Variants in AGBL1 observed in about 807,000 individuals in gnomAD.
AGBL1 encodes cytosolic carboxypeptidase 4.
A neutral mutation model predicts 118.9 loss-of-function variants in AGBL1; 130 were observed. The ratio of observed to expected loss-of-function variants is 1.09; its 90% CI spans 0.95 to 1.26. The LOEUF is 1.26. Ranked by LOEUF, AGBL1 falls within the 50% of genes most tolerant of loss-of-function variation. The probability of loss-of-function intolerance (pLI) is 0.00; values close to 1 mark genes in which losing one functional copy is unlikely to be tolerated. For missense variants in AGBL1, 1,584 were observed against 1,298.1 expected (o/e 1.22, Z -3.38); for synonymous variants, 555 against 478.9 (o/e 1.16, Z -2.08).
At chr15:86,605,983 C>T (rs1354493328) in intron 21 of AGBL1, among the ~76,000 whole-genome samples, 1 of 151,784 alleles carries the variant, frequency 6.6e-6, no homozygotes, top group South Asian at 2.1e-4. Flanking sequence ...AAAAATTAGC[C>T]TGGCGTGGTG....
At chr15:86,186,355 C>A (rs2077633250) in intron 5 of AGBL1, among the ~76,000 whole-genome samples, 1 of 152,092 alleles carries the variant, frequency 6.6e-6, no homozygotes, top group Admixed American at 6.5e-5. Context: ...GCACATGTAT[C>A]CCGGAACTTA....
At chr15:86,798,764 A>G (rs2078608708) in intron 22 of AGBL1, among the ~76,000 whole-genome samples, 1 of 149,564 alleles carries the variant, frequency 6.7e-6, no homozygotes, top group African/African-American at 2.5e-5. Context: ...AGGAGCCCAG[A>G]GTCCCATATA....
intron 15 of AGBL1, among the ~76,000 whole-genome samples, chr15:86,278,838 G>A (rs1406459673): frequency 1.3e-5 from 2 of 152,100 alleles, no homozygotes; most frequent in Admixed American, 6.5e-5. Context: ...TGGACTTCTG[G>A]GAGCAATTTT....
intron 23 of AGBL1, among the ~76,000 whole-genome samples, chr15:86,928,384 A>C (rs1039593813): frequency 3.3e-5 from 5 of 152,206 alleles, no homozygotes; most frequent in Non-Finnish European, 4.4e-5. Context: ...TGTCTGCAGA[A>C]AGATTTTCAG....
chr15:86,527,653 T>C (rs2083284900), intron 19 of AGBL1, among the ~76,000 whole-genome samples: 1 of 152,168 alleles, frequency 6.6e-6, no homozygotes, highest in South Asian at 2.1e-4. Flanking sequence ...CTGGCTCTTA[T>C]GAAAATGTTT....
intron 22 of AGBL1, among the ~76,000 whole-genome samples, chr15:86,837,090 G>A (rs950541089): frequency 4.6e-5 from 7 of 152,108 alleles, no homozygotes; most frequent in Admixed American, 3.9e-4. Flanking sequence ...ATTGATGAGT[G>A]AGTAAATGAA....
At chr15:86,421,876 G>A (rs2081795791) in intron 18 of AGBL1, among the ~76,000 whole-genome samples, 2 of 152,054 alleles carry the variant, frequency 1.3e-5, no homozygotes, top group African/African-American at 2.4e-5. Context: ...AATGGGAAAG[G>A]GATCAATGCA....
chr15:87,029,584 C>A (rs1167742588), downstream of AGBL1, among the ~76,000 whole-genome samples: 1 of 151,930 alleles, frequency 6.6e-6, no homozygotes, highest in Admixed American at 6.6e-5. Context: ...TGTCCTCCTA[C>A]AAACCCTATG....
At chr15:86,191,994 A>T (rs192217637) in intron 5 of AGBL1, among the ~76,000 whole-genome samples, 48 of 151,374 alleles carry the variant, frequency 3.2e-4, no homozygotes, top group African/African-American at 1.1e-3. Context: ...CCAGCTACTT[A>T]GGAGGCTGAG....
chr15:86,574,681 G>C (rs960065337), intron 21 of AGBL1, among the ~76,000 whole-genome samples: 1 of 144,762 alleles, frequency 6.9e-6, no homozygotes. Flanking sequence ...AGGTTCAAGC[G>C]ATTCTTCTGC....
intron 22 of AGBL1, among the ~76,000 whole-genome samples, chr15:86,825,904 GATAGA>G (rs1243982102): frequency 7.5e-5 from 7 of 93,762 alleles, no homozygotes; most frequent in African/African-American, 3.2e-4. Context: ...TAGATAGATA[GATAGA>G]TAGATAGATA....
chr15:86,312,222 A>G (rs552854992), intron 17 of AGBL1: 1 of 152,350 alleles, frequency 6.6e-6, no homozygotes, highest in East Asian at 1.9e-4. Flanking sequence ...TCAGTAGAGG[A>G]AAACCGATGT....
At chr15:86,354,684 GTC>G (rs1263552903) in intron 17 of AGBL1, among the ~76,000 whole-genome samples, 1 of 152,150 alleles carries the variant, frequency 6.6e-6, no homozygotes, top group Non-Finnish European at 1.5e-5. Context: ...TCAGATCATG[GTC>G]TCTCAAAGAT....
At chr15:87,010,926 C>CATCT (rs2081553036) in intron 24 of AGBL1, among the ~76,000 whole-genome samples, 1 of 152,194 alleles carries the variant, frequency 6.6e-6, no homozygotes, top group African/African-American at 2.4e-5. Flanking sequence ...CTGACTAATA[C>CATCT]ATCTATCTAA....
intron 18 of AGBL1, among the ~76,000 whole-genome samples, chr15:86,462,680 C>T (rs1001819438): frequency 1.4e-4 from 22 of 151,996 alleles, no homozygotes; most frequent in South Asian, 6.2e-4. Flanking sequence ...TGAGAACATG[C>T]GGTGTTTGGT....
At chr15:86,864,661 ACT>A (rs2079600814) in intron 22 of AGBL1, among the ~76,000 whole-genome samples, 1 of 151,852 alleles carries the variant, frequency 6.6e-6, no homozygotes, top group Admixed American at 6.6e-5. Context: ...AAATGTCATG[ACT>A]CTTTCATGAA....
At chr15:86,279,569 A>T in intron 15 of AGBL1, 70 bp from the exon 16 acceptor site, 1 of 1,447,138 alleles carries the variant, frequency 6.9e-7, no homozygotes, top group East Asian at 2.3e-5. Context: ...AGCATCTAGG[A>T]CCCTAAATGA....
intron 18 of AGBL1, among the ~76,000 whole-genome samples, chr15:86,426,327 A>T (rs191719755): frequency 9.8e-5 from 15 of 152,314 alleles, no homozygotes; most frequent in Admixed American, 5.9e-4. Flanking sequence ...TACCAAAGAA[A>T]GGTGTTCTGG....
intron 22 of AGBL1, among the ~76,000 whole-genome samples, chr15:86,891,898 A>G (rs1216294454): frequency 6.6e-6 from 1 of 152,168 alleles, no homozygotes; most frequent in Non-Finnish European, 1.5e-5. Flanking sequence ...TCATCAACTA[A>G]TTAGGTAAAT....
Sources: gnomAD v4.1 joint callset for allele counts (sites outside exome capture counted in the v4.1 genomes callset) on GRCh38, gnomAD v4.1.1 for gene constraint, MANE v1.5 for transcripts, NCBI Gene and HGNC (gene_info 2026-07-23, HGNC 2026-07-21) for gene names.